The following AZIN2 variants were observed in gnomAD, a reference collection of about 807,000 sequenced individuals.
AZIN2 encodes ODC antizyme inhibitor-2.
A neutral mutation model predicts 47.8 loss-of-function variants in AZIN2; 28 were observed. That is an observed-to-expected ratio of 0.59 (90% CI 0.43 to 0.80). AZIN2 has a LOEUF of 0.80. Ranked by LOEUF, AZIN2 falls within the 30% of genes least tolerant of loss-of-function variation. AZIN2 has a pLI of 0.00. For synonymous variants in AZIN2, 221 were observed against 239.4 expected, an observed-to-expected ratio of 0.92 and a Z score of 0.71; for missense variants, 535 against 582.5, an observed-to-expected ratio of 0.92 and a Z score of 0.84.
Position 33,122,635 on chromosome 1 carries a change from G to A in AZIN2, c.*2453G>A, listed in dbSNP as rs1206396274. ...CACTGCCTCCTCCAAGCTCCCTGCT[G>A]AGCGACCCACTGGCAGTGGCTCCTC... On this transcript the variant is annotated 3_prime_UTR_variant, in exon 12 of 12. Coordinates refer to ENST00000294517, the MANE Select transcript of AZIN2 (RefSeq NM_052998.4). 6.6e-6 allele frequency among the ~76,000 whole-genome samples: 1 copy of A among 152,146 alleles called. No homozygotes were observed. The highest frequency in any genetic ancestry group is 2.4e-5 in the African/African-American group (1 of 41,430).
chr1:33,110,385 C>T (rs891316254), intron 10 of AZIN2, among the ~76,000 whole-genome samples: 15 of 152,250 alleles, frequency 9.9e-5, no homozygotes, highest in South Asian at 6.2e-4. Context: ...AACAAGTCAT[C>T]GTGAGGAAGA....
chr1:33,098,796 C>T (rs1643415411), intron 10 of AZIN2, among the ~76,000 whole-genome samples: 2 of 151,834 alleles, frequency 1.3e-5, no homozygotes, highest in East Asian at 1.9e-4. Context: ...TGGAGTCTTA[C>T]TCCGTCAACC....
At chr1:33,117,679 C>G (rs566415070) in intron 10 of AZIN2, among the ~76,000 whole-genome samples, 4 of 152,316 alleles carry the variant, frequency 2.6e-5, no homozygotes, top group African/African-American at 9.6e-5. Context: ...GGTCACACAG[C>G]TAACAACTGC....
At chr1:33,088,200 G>A (rs1371029666) in intron 5 of AZIN2, among the ~76,000 whole-genome samples, 1 of 152,148 alleles carries the variant, frequency 6.6e-6, no homozygotes, top group Non-Finnish European at 1.5e-5. Context: ...TTGATACGAG[G>A]AGATGCCTGG....
At chr1:33,090,925 A>G (rs1642479093) in intron 5 of AZIN2, among the ~76,000 whole-genome samples, 1 of 152,158 alleles carries the variant, frequency 6.6e-6, no homozygotes, top group Admixed American at 6.5e-5. Flanking sequence ...TTTAGATTCC[A>G]CATATAAGTG....
chr1:33,144,336 C>CTA, the AZIN2 span, among the ~76,000 whole-genome samples: 1 of 152,168 alleles, frequency 6.6e-6, no homozygotes, highest in Non-Finnish European at 1.5e-5. Context: ...CGGGGTTTCT[C>CTA]CACGTTGGTC....
the AZIN2 span, among the ~76,000 whole-genome samples, chr1:33,158,845 T>C: frequency 1.3e-5 from 2 of 151,070 alleles, no homozygotes; most frequent in East Asian, 3.8e-4. Context: ...TTCTTTTTTT[T>C]CTTTTTTTTT....
the AZIN2 span, chr1:33,159,689 G>A: frequency 7.5e-6 from 12 of 1,605,692 alleles, no homozygotes; most frequent in South Asian, 9.9e-5. This position sits in a 1 kb window ranked among gnomAD's most constrained non-coding sequence, Gnocchi z 4.2. Flanking sequence ...GGCACTTACC[G>A]CTCGGACAGT....
At chr1:33,083,214 C>T (rs1277683551) in intron 4 of AZIN2, 2 of 154,512 alleles carry the variant, frequency 1.3e-5, no homozygotes. Context: ...TTGGTCATCT[C>T]TGTCCCTTAG....
the AZIN2 span, chr1:33,147,500 G>A: frequency 6.2e-7 from 1 of 1,613,170 alleles, no homozygotes; most frequent in Non-Finnish European, 8.5e-7. The surrounding 1 kb of genome is among the most constrained non-coding windows in gnomAD (Gnocchi z 8.1). Context: ...GCGGCTTCGT[G>A]TGCCAGCCCG....
the AZIN2 span, among the ~76,000 whole-genome samples, chr1:33,132,175 T>A: frequency 1.2e-3 from 180 of 152,350 alleles, no homozygotes; most frequent in Non-Finnish European, 2.1e-3. Flanking sequence ...AAGAACGCAC[T>A]GTGAGCTGCC....
At chr1:33,139,220 G>A in the AZIN2 span, among the ~76,000 whole-genome samples, 1 of 152,210 alleles carries the variant, frequency 6.6e-6, no homozygotes, top group Non-Finnish European at 1.5e-5. Flanking sequence ...TGATCAGTGA[G>A]GGTCGCTCTG....
chr1:33,122,143 ACTT>A lies in AZIN2; in HGVS notation c.*1965_*1967del, dbSNP rs545362995. On this transcript the variant is annotated 3_prime_UTR_variant, in exon 12 of 12. Coordinates refer to ENST00000294517, the MANE Select transcript of AZIN2 (RefSeq NM_052998.4). ...CCATCTCAGATCTCCAAGCACTCAT[ACTT>A]CTTTTGCGGAGAGGGACATAGGTTT... Among the ~76,000 whole-genome samples, 67 of 152,274 alleles carry A rather than the reference ACTT, an allele frequency of 4.4e-4. 1 individual carries two copies. In the East Asian group the frequency reaches 0.012, roughly 27 times the overall value.
At chr1:33,138,152 C>T in the AZIN2 span, among the ~76,000 whole-genome samples, 1 of 152,096 alleles carries the variant, frequency 6.6e-6, no homozygotes, top group Non-Finnish European at 1.5e-5. Context: ...GAGGTTACAC[C>T]CTGGAGCAAG....
At chr1:33,118,992 T>G (rs1376109379) in intron 11 of AZIN2, 1 of 152,390 alleles carries the variant, frequency 6.6e-6, no homozygotes, top group African/African-American at 2.4e-5. Flanking sequence ...GAAGGGTCCC[T>G]CTTTTGGGGT....
In AZIN2 at chr1:33,094,611, G is replaced by A. The variant is rs1455986490; in HGVS notation, c.651G>A (p.Arg217=). 7 of 1,614,024 alleles carry A rather than the reference G, an allele frequency of 4.3e-6. No homozygotes were observed. The highest frequency in any genetic ancestry group is 5.9e-6 in the Non-Finnish European group (7 of 1,180,030). ...ATGCTCAGTCCATCGCAGACGCCCGGCTCGTGTTTGAAATGGGCACCGAGC... is the reference window on the plus strand; with the variant it reads ...ATGCTCAGTCCATCGCAGACGCCCGACTCGTGTTTGAAATGGGCACCGAGC... ...QAYAQSIADA[R]LVFEMGTELG... The change falls in exon 8 of 12, where the codon CGG becomes CGA. Residue 217 remains arginine, a synonymous_variant. Transcript: ENST00000294517.
chr1:33,154,699 G>A, the AZIN2 span, among the ~76,000 whole-genome samples: 1 of 151,648 alleles, frequency 6.6e-6, no homozygotes, highest in Non-Finnish European at 1.5e-5. Flanking sequence ...TTGGGAGGCC[G>A]AGGCAGGAAA....
chr1:33,125,339 G>A (rs780654192), downstream of AZIN2, among the ~76,000 whole-genome samples: 1 of 152,232 alleles, frequency 6.6e-6, no homozygotes, highest in Non-Finnish European at 1.5e-5. Context: ...TCTGCTGAAA[G>A]CCCTTCAGTT....
chr1:33,125,827 G>A (rs1335768373), downstream of AZIN2, among the ~76,000 whole-genome samples: 3 of 151,646 alleles, frequency 2.0e-5, 1 homozygote, highest in African/African-American at 7.3e-5. Flanking sequence ...ATCCCTTCAG[G>A]TCTTTGCTCA....
Sources: allele counts gnomAD v4.1 joint callset (sites outside exome capture counted in the v4.1 genomes callset), GRCh38; gene constraint gnomAD v4.1.1; non-coding constraint Gnocchi (gnomAD v3.1); transcripts MANE v1.5; gene names NCBI Gene and HGNC (gene_info 2026-07-23, HGNC 2026-07-21).